The following TRAPPC11 variants were observed in gnomAD, a reference collection of about 807,000 sequenced individuals.
The protein encoded by TRAPPC11 is trafficking protein particle complex subunit 11.
A neutral mutation model predicts 151.2 loss-of-function variants in TRAPPC11; 104 were observed. The ratio of observed to expected loss-of-function variants is 0.69; its 90% CI spans 0.59 to 0.81. The LOEUF is 0.81. TRAPPC11 is among the 30% of genes least tolerant of loss of function. TRAPPC11 has a pLI of 0.00. For synonymous variants in TRAPPC11, 456 were observed against 472.3 expected (o/e 0.97, Z 0.45); for missense variants, 1,230 against 1,349.6 (o/e 0.91, Z 1.39).
intron 18 of TRAPPC11, among the ~76,000 whole-genome samples, chr4:183,687,572 A>C (rs1408638667): frequency 6.6e-6 from 1 of 152,066 alleles, no homozygotes; most frequent in Non-Finnish European, 1.5e-5. Context: ...CCAGTGATCC[A>C]CCAACCTCAG....
chr4:183,691,251 A>G, intron 18 of TRAPPC11, 65 bp from the exon 19 acceptor site: 4 of 1,304,012 alleles, frequency 3.1e-6, no homozygotes, highest in Non-Finnish European at 4.1e-6. Context: ...AATGAGCTCC[A>G]AAGCACTTGG....
intron 11 of TRAPPC11, among the ~76,000 whole-genome samples, chr4:183,683,656 G>T (rs56800979): frequency 6.6e-6 from 1 of 151,918 alleles, no homozygotes; most frequent in African/African-American, 2.4e-5. Flanking sequence ...GTGAGATCCC[G>T]TCTCAAAAAA....
chr4:183,697,635 A>G, intron 24 of TRAPPC11, 44 bp from the exon 25 acceptor site: 1 of 1,610,530 alleles, frequency 6.2e-7, no homozygotes, highest in Non-Finnish European at 8.5e-7. Context: ...GATAAAATGG[A>G]TTAAGGTAAT....
chr4:183,670,402 C>T (rs1057054158), intron 5 of TRAPPC11, among the ~76,000 whole-genome samples: 4 of 152,102 alleles, frequency 2.6e-5, no homozygotes, highest in African/African-American at 7.2e-5. Flanking sequence ...TAAGTGTTCC[C>T]AACGTTCAGA....
intron 1 of TRAPPC11, among the ~76,000 whole-genome samples, chr4:183,661,326 TCTC>T (rs1400094616): frequency 6.6e-6 from 1 of 151,420 alleles, no homozygotes; most frequent in Non-Finnish European, 1.5e-5. Context: ...GTGTTAGACT[TCTC>T]CATAATATAC....
At chr4:183,695,862 T>A (rs922149751) in intron 23 of TRAPPC11, among the ~76,000 whole-genome samples, 2 of 152,190 alleles carry the variant, frequency 1.3e-5, no homozygotes, top group African/African-American at 4.8e-5. Context: ...CCTGGTATAA[T>A]ACATAGAGTC....
chr4:183,672,662 G>T (rs1262452273), intron 5 of TRAPPC11, among the ~76,000 whole-genome samples: 1 of 152,170 alleles, frequency 6.6e-6, no homozygotes, highest in Non-Finnish European at 1.5e-5. Context: ...GGAAAGATTT[G>T]ACTCTGTATC....
rs567568836 is a variant in TRAPPC11 at position 183,707,623 on chromosome 4, C to A, written c.3189+683C>A. Among the ~76,000 whole-genome samples, 3 of 152,284 alleles carry A rather than the reference C, an allele frequency of 2.0e-5. No individual in the cohort carries two copies. The South Asian group carries it at 6.2e-4, about 32-fold the overall frequency. On this transcript the variant is annotated intron_variant, in intron 28 of 29. Transcript: ENST00000334690. ...TAATTAGAGAACATATGTGTCTTAA[C>A]ACCTGGAAGTGTCTATCCTGACTAA...
rs373854277 is a variant in TRAPPC11 at position 183,705,076 on chromosome 4, G to A, written c.3055+6G>A. ...CCCTCTCCATGTGAATGCAGGTAGC[G>A]GAATTCAAATTTTACTTGATAAGAA... On this transcript the variant is annotated splice_donor_region_variant and intron_variant, in intron 27 of 29. Transcript: ENST00000334690. 86 of 1,569,932 alleles carry A rather than the reference G, an allele frequency of 5.5e-5. 1 individual carries two copies. In the Middle Eastern group the frequency reaches 1.4e-3, roughly 25 times the overall value.
intron 8 of TRAPPC11, 145 bp downstream of exon 8, chr4:183,677,699 G>C: frequency 6.7e-6 from 4 of 595,096 alleles, no homozygotes; most frequent in Middle Eastern, 4.5e-4. Flanking sequence ...CTTTTTCTCA[G>C]AAGGGCATCG....
In TRAPPC11 at chr4:183,684,849, G is replaced by C; in HGVS notation, c.1567+8G>C. On this transcript the variant is annotated splice_region_variant and intron_variant, in intron 15 of 29. Coordinates refer to ENST00000334690, the MANE Select transcript of TRAPPC11 (RefSeq NM_021942.6). The stretch of plus-strand genomic sequence containing the variant: ...TAGAACTCCTTGGTAGAGGTAACCT[G>C]ATGTTTTTTGAGTAAAATTCTTGAT... 6.2e-7 allele frequency: 1 copy of C among 1,603,752 alleles called. No homozygotes were observed. Among genetic ancestry groups the C allele is most frequent in the Non-Finnish European group, 8.5e-7 (1 of 1,176,382 alleles).
chr4:183,693,619 A>G lies in TRAPPC11; in HGVS notation c.2268A>G (p.Val756=), dbSNP rs1736371832. 1 of 1,613,794 alleles carries G rather than the reference A, an allele frequency of 6.2e-7. No homozygotes were observed. The highest frequency in any genetic ancestry group is 8.5e-7 in the Non-Finnish European group (1 of 1,179,954). Residue 756 remains valine, a synonymous_variant, in exon 21 of 30, where the codon GTA becomes GTG. Coordinates refer to ENST00000334690, the MANE Select transcript of TRAPPC11 (RefSeq NM_021942.6). ...MIISRVPNIS[V]HLLHEPPALT... is the part of the protein sequence containing the mutation. ...TATCCAGAGTCCCAAACATTTCTGTACATCTGCTACATGAACCCCCTGCAC... is the reference window on the plus strand; with the variant it reads ...TATCCAGAGTCCCAAACATTTCTGTGCATCTGCTACATGAACCCCCTGCAC...
intron 23 of TRAPPC11, among the ~76,000 whole-genome samples, chr4:183,696,698 C>T (rs543652178): frequency 6.6e-6 from 1 of 152,146 alleles, no homozygotes; most frequent in African/African-American, 2.4e-5. Flanking sequence ...CCCACCCCCC[C>T]ATTGTTTTTC....
At chr4:183,681,292 A>G (rs7682336) in intron 10 of TRAPPC11, among the ~76,000 whole-genome samples, 74,736 of 151,832 alleles carry the variant, frequency 0.49, 19,012 homozygotes, top group African/African-American at 0.62. Flanking sequence ...CTTAAAATGA[A>G]TGGATTTTTT....
chr4:183,680,392 T>C (rs1315833208), intron 10 of TRAPPC11, 125 bp downstream of exon 10: 1 of 1,069,062 alleles, frequency 9.4e-7, no homozygotes, highest in Non-Finnish European at 1.3e-6. Flanking sequence ...TTATTTTTTA[T>C]AGCTTTAGGA....
intron 27 of TRAPPC11, among the ~76,000 whole-genome samples, chr4:183,705,613 C>CCCTCCCCGCATCTCTTCCTTGCTGAAGA (rs1737017161): frequency 6.6e-6 from 1 of 152,172 alleles, no homozygotes; most frequent in Non-Finnish European, 1.5e-5. Context: ...TCCATCTCCT[C>CCCTCCCCGCATCTCTTCCTTGCTGAAGA]CCTCCCCGCA....
In TRAPPC11 at chr4:183,682,797, A is replaced by G. The variant is rs753409389; in HGVS notation, c.1179A>G (p.Gly393=). The part of the protein sequence containing the change: ...ETQTGVLDFY[G]QRSWRQGILS... ...AAACAGGCGTTCTTGACTTTTATGG[A>G]CAAAGATCATGGCGACAAGGAATAC... The change falls in exon 11 of 30, where the codon GGA becomes GGG. Residue 393 remains glycine, a synonymous_variant. Coordinates refer to ENST00000334690, the MANE Select transcript of TRAPPC11 (RefSeq NM_021942.6). The G allele has an allele frequency of 4.3e-6, 7 of 1,613,628 alleles. No homozygotes were observed. Among genetic ancestry groups the G allele is most frequent in the Non-Finnish European group, 5.9e-6 (7 of 1,179,600 alleles).
At chr4:183,703,128 G>T (rs990616706) in intron 26 of TRAPPC11, among the ~76,000 whole-genome samples, 6 of 152,040 alleles carry the variant, frequency 3.9e-5, no homozygotes, top group African/African-American at 1.4e-4. Context: ...AAATCCCCTG[G>T]GTTTGTTCAT....
At chr4:183,677,024 C>CA (rs766742110) in intron 7 of TRAPPC11, among the ~76,000 whole-genome samples, 12 of 152,202 alleles carry the variant, frequency 7.9e-5, no homozygotes, top group Non-Finnish European at 1.8e-4. Context: ...CTCAGCCTCT[C>CA]AAAGTGCTGG....
Sources: gnomAD v4.1 joint callset for allele counts (sites outside exome capture counted in the v4.1 genomes callset) on GRCh38, gnomAD v4.1.1 for gene constraint, MANE v1.5 for transcripts, NCBI Gene and HGNC (gene_info 2026-07-23, HGNC 2026-07-21) for gene names.